Variants in MAP3K5 observed in about 807,000 individuals in gnomAD.
The protein encoded by MAP3K5 is mitogen-activated protein kinase kinase kinase 5, also known as ASK-1.
A neutral mutation model predicts 158.7 loss-of-function variants in MAP3K5; 56 were observed. That is an observed-to-expected ratio of 0.35 (90% confidence interval 0.28 to 0.44). The LOEUF is 0.44. Ranked by LOEUF, MAP3K5 falls within the 20% of genes least tolerant of loss-of-function variation. The probability of loss-of-function intolerance (pLI) is 1.00; values close to 1 mark genes in which losing one functional copy is unlikely to be tolerated. For synonymous variants in MAP3K5, 579 were observed against 601.7 expected, an observed-to-expected ratio of 0.96 and a Z score of 0.55; for missense variants, 1,294 against 1,674.8, an observed-to-expected ratio of 0.77 and a Z score of 3.97.
At chr6:136,564,068 C>T (rs935425619) in intron 26 of MAP3K5, among the ~76,000 whole-genome samples, 2 of 152,122 alleles carry the variant, frequency 1.3e-5, no homozygotes, top group African/African-American at 4.8e-5. Context: ...AAAAAGAAAA[C>T]TAAAGCTTCC....
At chr6:136,731,838 T>C (rs79279907) in intron 1 of MAP3K5, among the ~76,000 whole-genome samples, 2,034 of 152,286 alleles carry the variant, frequency 0.013, 31 homozygotes, top group African/African-American at 0.038. Context: ...CCAAGGTCCA[T>C]GGTAGGCACC....
At chr6:136,722,494 T>C (rs1158217883) in intron 1 of MAP3K5, among the ~76,000 whole-genome samples, 1 of 152,040 alleles carries the variant, frequency 6.6e-6, no homozygotes, top group East Asian at 1.9e-4. Context: ...TTTAAAATGG[T>C]AAATAAATAT....
chr6:136,645,635 C>T (rs1333650455), intron 11 of MAP3K5, among the ~76,000 whole-genome samples: 1 of 152,170 alleles, frequency 6.6e-6, no homozygotes, highest in Non-Finnish European at 1.5e-5. Context: ...ACTTACTTTT[C>T]AGCAGCAACC....
chr6:136,765,321 G>T (rs1164300257), intron 1 of MAP3K5, among the ~76,000 whole-genome samples: 2 of 151,852 alleles, frequency 1.3e-5, no homozygotes, highest in Non-Finnish European at 2.9e-5. Flanking sequence ...AGAGGTCTTT[G>T]GGGTCTTACT....
At chr6:136,601,187 TC>T (rs1441792353) in intron 20 of MAP3K5, 145 bp from the exon 21 acceptor site, 1 of 664,526 alleles carries the variant, frequency 1.5e-6, no homozygotes, top group African/African-American at 1.9e-5. Context: ...AATATAAACA[TC>T]AAAAAACGCC....
At chr6:136,636,964 G>C in intron 14 of MAP3K5, 1 of 1,034,384 alleles carries the variant, frequency 9.7e-7, no homozygotes. Flanking sequence ...CCTGCCACAA[G>C]GGTGCTATCA....
At chr6:136,707,028 A>T (rs1341501291) in intron 2 of MAP3K5, among the ~76,000 whole-genome samples, 2 of 152,124 alleles carry the variant, frequency 1.3e-5, no homozygotes, top group Non-Finnish European at 2.9e-5. Context: ...CACACCTCAC[A>T]TCTATAGACC....
At chr6:136,722,653 CTTTCT>C (rs1250294720) in intron 1 of MAP3K5, among the ~76,000 whole-genome samples, 2 of 139,234 alleles carry the variant, frequency 1.4e-5, no homozygotes, top group South Asian at 2.3e-4. Context: ...GAAGTGTAAA[CTTTCT>C]TTTCTTTTTT....
chr6:136,792,114 G>A lies in MAP3K5; in HGVS notation c.44C>T (p.Pro15Leu), dbSNP rs1785105825. The A allele has an allele frequency of 6.3e-7, 1 of 1,586,810 alleles. No homozygotes were observed. The highest frequency in any genetic ancestry group is 1.3e-5 in the African/African-American group (1 of 74,384). The change falls in exon 1 of 30, where the codon CCC (proline) becomes CTC (leucine). Residue 15 changes from proline (P) to leucine (L), a missense_variant. Pro to Leu is a moderately conservative substitution (Grantham distance 98). Around this residue, in one of 5 missense-constraint regions of MAP3K5, gnomAD observed 690 missense variants for 870.5 expected, o/e 0.79. Coordinates refer to ENST00000359015, the MANE Select transcript of MAP3K5 (RefSeq NM_005923.4). This position sits in a 1 kb window ranked among gnomAD's most constrained non-coding sequence, Gnocchi z 5.7. ...GGTGCAGAAGCCCGAGGGGGCGAAG[G>A]GTGGCACAGAGAAAGTGATGCCCTC... ...ADEGITFSVP[P>L]FAPSGFCTIP...
chr6:136,669,947 C>T (rs925141204), intron 7 of MAP3K5, among the ~76,000 whole-genome samples: 1 of 150,716 alleles, frequency 6.6e-6, no homozygotes, highest in Admixed American at 6.6e-5. Flanking sequence ...AATGAGAACC[C>T]CGCACATATT....
chr6:136,601,922 C>T lies in MAP3K5; in HGVS notation c.2737G>A (p.Ala913Thr), dbSNP rs754543386. ...IPESMSAEAK[A>T]FILKCFEPDP... Reference sequence around the variant, plus strand: ...GGTTCAAAACATTTCAGTATGAATGCCTTGGCCTCTGCAGACATGGACTCT... The same window carrying T: ...GGTTCAAAACATTTCAGTATGAATGTCTTGGCCTCTGCAGACATGGACTCT... The change falls in exon 20 of 30, where the codon GCA becomes ACA. Residue 913 changes from alanine (A) to threonine (T), a missense_variant. Physicochemically the swap from Ala to Thr is moderately conservative, Grantham distance 58. Around this residue, in one of 5 missense-constraint regions of MAP3K5, gnomAD observed 362 missense variants for 463.2 expected, o/e 0.78. Transcript: ENST00000359015. 5.0e-6 allele frequency: 8 copies of T among 1,614,022 alleles called. No homozygotes were observed. The highest frequency in any genetic ancestry group is 1.6e-4 in the Middle Eastern group (1 of 6,084).
chr6:136,792,274 C>A lies in MAP3K5; in HGVS notation c.-117G>T. On this transcript the variant is annotated 5_prime_UTR_variant, in exon 1 of 30. Transcript: ENST00000359015. This position sits in a 1 kb window ranked among gnomAD's most constrained non-coding sequence, Gnocchi z 5.7. ...GCTAAGCAGCTGCCATCGCGCGCCG[C>A]GCCCTCGCCGCCGCGCCGCCGCCTC... 1 of 1,129,222 alleles carries A rather than the reference C, an allele frequency of 8.9e-7. No homozygotes were observed. The highest frequency in any genetic ancestry group is 1.1e-6 in the Non-Finnish European group (1 of 927,550). The allele number at this position is 1,129,222 out of a possible 1,614,324, so 70.0% of individuals were successfully genotyped here.
At chr6:136,727,982 A>G (rs896396478) in intron 1 of MAP3K5, among the ~76,000 whole-genome samples, 1 of 152,094 alleles carries the variant, frequency 6.6e-6, no homozygotes, top group African/African-American at 2.4e-5. Context: ...AAAAAAAAGA[A>G]ATTTAAGAAA....
chr6:136,660,939 CA>C (rs1778978678), intron 8 of MAP3K5, among the ~76,000 whole-genome samples: 1 of 150,358 alleles, frequency 6.7e-6, no homozygotes, highest in East Asian at 1.9e-4. Context: ...CCTGTGGACA[CA>C]AAACAGCTTT....
chr6:136,711,632 C>T (rs1342031717), intron 2 of MAP3K5, among the ~76,000 whole-genome samples: 1 of 151,080 alleles, frequency 6.6e-6, no homozygotes, highest in Non-Finnish European at 1.5e-5. Flanking sequence ...CACTACTGCA[C>T]CCCAGGCTGG....
rs983856742 is a variant in MAP3K5, at chr6:136,613,324, G to A, written c.2279-68C>T. 2.9e-6 allele frequency: 4 copies of A among 1,387,076 alleles called. No homozygotes were observed. The African/African-American group carries it at 5.8e-5, about 20-fold the overall frequency. The allele number at this position is 1,387,076 out of a possible 1,614,324, so 85.9% of individuals were successfully genotyped here. On this transcript the variant is annotated intron_variant, in intron 16 of 29. Transcript: ENST00000359015. This position sits in a 1 kb window ranked among gnomAD's most constrained non-coding sequence, Gnocchi z 4.0. The stretch of plus-strand genomic sequence containing the variant: ...GAGCTCTTTAAAGTGTATTAATAAT[G>A]TAACAGTAATTTAAGCTAACAGTCA...
At chr6:136,593,629 C>T (rs867694800) in intron 21 of MAP3K5, 10 of 368,282 alleles carry the variant, frequency 2.7e-5, no homozygotes, top group Middle Eastern at 4.8e-4. Context: ...GTATATAAAA[C>T]TTCTCAGCCT....
intron 1 of MAP3K5, among the ~76,000 whole-genome samples, chr6:136,746,037 C>T (rs573345666): frequency 6.6e-6 from 1 of 152,276 alleles, no homozygotes; most frequent in African/African-American, 2.4e-5. Context: ...AGTTAGGAGA[C>T]AGCTGCATGG....
intron 1 of MAP3K5, among the ~76,000 whole-genome samples, chr6:136,746,718 A>T (rs936972174): frequency 6.6e-6 from 1 of 152,200 alleles, no homozygotes; most frequent in Non-Finnish European, 1.5e-5. Context: ...AGCAATAAGG[A>T]TTAGTGAGAA....
Sources: allele counts gnomAD v4.1 joint callset (sites outside exome capture counted in the v4.1 genomes callset), GRCh38; gene constraint gnomAD v4.1.1; regional missense constraint gnomAD v4.1.1; non-coding constraint Gnocchi (gnomAD v3.1); transcripts MANE v1.5; gene names NCBI Gene and HGNC (gene_info 2026-07-23, HGNC 2026-07-21).